MAN2A2: variants seen among roughly 807,000 people sequenced by gnomAD.
The protein encoded by MAN2A2 is alpha-mannosidase 2x.
MAN2A2 carries 79 observed loss-of-function variants against 126.8 expected under a neutral mutation model. That is an observed-to-expected ratio of 0.62 (90% CI 0.52 to 0.75). The LOEUF is 0.75. MAN2A2 is among the 30% of genes least tolerant of loss of function. MAN2A2 has a pLI of 0.00. For synonymous variants in MAN2A2, 671 were observed against 618.7 expected (o/e 1.08, Z -1.25); for missense variants, 1,392 against 1,522.4 (o/e 0.91, Z 1.43).
At position 90,905,438 on chromosome 15, in the gene MAN2A2, GCTT is replaced by G. The variant is rs1369303468; in HGVS notation, c.326_328del (p.Phe109del). On this transcript the variant is annotated inframe_deletion, in exon 3 of 23. Coordinates refer to ENST00000559717, the MANE Select transcript of MAN2A2 (RefSeq NM_006122.4). The stretch of plus-strand genomic sequence containing the variant: ...GTGGTGCCACCGGAGCCCCGGCCCA[GCTT>G]CTTCTCCATCTCCCCGCAGGACTGC... 7 of 1,613,758 alleles carry G rather than the reference GCTT, an allele frequency of 4.3e-6. No homozygotes were observed. Among genetic ancestry groups the G allele is most frequent in the Middle Eastern group, 1.6e-4 (1 of 6,078 alleles).
chr15:90,921,087 G>T lies in MAN2A2; in HGVS notation c.*1300G>T, dbSNP rs550128353. ...CTAGCCAAGGGCAAGCTATTATTCA[G>T]CAGTGTCCCGGCACTACTAACCCCT... On this transcript the variant is annotated 3_prime_UTR_variant, in exon 23 of 23. Coordinates refer to ENST00000559717, the MANE Select transcript of MAN2A2 (RefSeq NM_006122.4). 1.3e-5 allele frequency: 2 copies of T among 152,156 alleles called. No individual in the cohort carries two copies. The highest frequency in any genetic ancestry group is 2.9e-5 in the Non-Finnish European group (2 of 68,038). The allele number at this position is 152,156 out of a possible 1,614,324, so 9.4% of individuals were successfully genotyped here.
At chr15:90,908,653 G>C (rs756300088) in intron 8 of MAN2A2, among the ~76,000 whole-genome samples, 3 of 150,532 alleles carry the variant, frequency 2.0e-5, no homozygotes, top group Non-Finnish European at 4.4e-5. Context: ...TCGGCTCACC[G>C]CAACCTCCGC....
rs750491581 is a variant in MAN2A2, at chr15:90,913,669, T to C, written c.2774T>C (p.Met925Thr). The C allele has an allele frequency of 6.2e-7, 1 of 1,611,964 alleles. No homozygotes were observed. The highest frequency in any genetic ancestry group is 8.5e-7 in the Non-Finnish European group (1 of 1,179,164). Reference sequence around the variant, plus strand: ...CCCCTCCAGGCCAACTTCTACCCCATGCCAGTCATGGCCTATATCCAGGAC... The same window carrying C: ...CCCCTCCAGGCCAACTTCTACCCCACGCCAGTCATGGCCTATATCCAGGAC... ...KLPLQANFYP[M>T]PVMAYIQDAQ... Residue 925 changes from methionine (M) to threonine (T), a missense_variant, in exon 19 of 23, where the codon ATG (methionine) becomes ACG (threonine). Coordinates refer to ENST00000559717, the MANE Select transcript of MAN2A2 (RefSeq NM_006122.4).
chr15:90,913,905 C>G lies in MAN2A2; in HGVS notation c.2860+150C>G, dbSNP rs117519504. 1.6e-5 allele frequency: 18 copies of G among 1,091,728 alleles called. No individual in the cohort carries two copies. The East Asian group carries it at 4.8e-4, about 29-fold the overall frequency. The allele number at this position is 1,091,728 out of a possible 1,614,324, so 67.6% of individuals were successfully genotyped here. On this transcript the variant is annotated intron_variant, in intron 19 of 22. Transcript: ENST00000559717. The stretch of plus-strand genomic sequence containing the variant: ...GAGAGGGGGCAAGCCATTCAGAGCT[C>G]TTGGCACAGGAGGCAGGCATCTGCT...
Position 90,904,374 on chromosome 15 carries a change from C to T in MAN2A2, c.132+35C>T, listed in dbSNP as rs762324234. Reference sequence around the variant, plus strand: ...GCCTGGTTGCTAATTTCTTTGTATACAAGTCACCTGGGCTCAGGGTATGCA... The same window carrying T: ...GCCTGGTTGCTAATTTCTTTGTATATAAGTCACCTGGGCTCAGGGTATGCA... On this transcript the variant is annotated intron_variant, in intron 2 of 22. Transcript: ENST00000559717. The T allele has an allele frequency of 1.9e-6, 3 of 1,603,500 alleles. No individual in the cohort carries two copies. The African/African-American group carries it at 4.0e-5, about 21-fold the overall frequency.
chr15:90,910,608 C>T lies in MAN2A2; in HGVS notation c.1685C>T (p.Thr562Ile). Residue 562 changes from threonine to isoleucine, a missense_variant, in exon 11 of 23, where the codon ACA (threonine) becomes ATA (isoleucine). Transcript: ENST00000559717. ...DFTLLTEARR[T>I]LGLFQHHDAI... ...ACCCTCCTGACGGAAGCTCGGCGCA[C>T]ATTGGGGCTCTTCCAGCATCACGAT... 4 of 1,614,194 alleles carry T rather than the reference C, an allele frequency of 2.5e-6. No homozygotes were observed. The highest frequency in any genetic ancestry group is 3.4e-6 in the Non-Finnish European group (4 of 1,180,024).
intron 8 of MAN2A2, 62 bp downstream of exon 8, chr15:90,907,557 C>G: frequency 1.3e-6 from 2 of 1,516,542 alleles, no homozygotes; most frequent in African/African-American, 1.4e-5. Context: ...TGGTCTGGGC[C>G]GTGCCACGTG....
At position 90,909,415 on chromosome 15, in the gene MAN2A2, T is replaced by C. The variant is rs2034547304; in HGVS notation, c.1285T>C (p.Tyr429His). ...GGTGCCTCTTGGAGATGACTTCCGA[T>C]ATGACAAGCCCCAGGAGTGGGATGC... ...LLVPLGDDFR[Y>H]DKPQEWDAQF... The change falls in exon 9 of 23, where the codon TAT (tyrosine) becomes CAT (histidine). Residue 429 changes from tyrosine (Y) to histidine (H), a missense_variant. Tyr to His is a moderately conservative substitution (Grantham distance 83). Coordinates refer to ENST00000559717, the MANE Select transcript of MAN2A2 (RefSeq NM_006122.4). 6.2e-7 allele frequency: 1 copy of C among 1,614,008 alleles called. No individual in the cohort carries two copies. The highest frequency in any genetic ancestry group is 1.3e-5 in the African/African-American group (1 of 74,908).
chr15:90,912,137 G>GC lies in MAN2A2; in HGVS notation c.2205dup (p.Ile736HisfsTer22). 1 of 1,613,778 alleles carries GC rather than the reference G, an allele frequency of 6.2e-7. No homozygotes were observed. Among genetic ancestry groups the GC allele is most frequent in the Non-Finnish European group, 8.5e-7 (1 of 1,179,936 alleles). The stretch of plus-strand genomic sequence containing the variant: ...CACCGCACGCTGCCCTCCTCTGTGC[G>GC]CATCTACCTGCACGGCCGGCAGCTG... On this transcript the variant is annotated frameshift_variant, in exon 15 of 23. Transcript: ENST00000559717. LOFTEE classifies it high-confidence loss of function.
chr15:90,905,459 A>G lies in MAN2A2; in HGVS notation c.341A>G (p.Gln114Arg). Residue 114 changes from glutamine to arginine, a missense_variant, in exon 3 of 23, where the codon CAG becomes CGG. Transcript: ENST00000559717. ...PRPSFFSISP[Q>R]DCQFALGGRG... The stretch of plus-strand genomic sequence containing the variant: ...CCCAGCTTCTTCTCCATCTCCCCGC[A>G]GGACTGCCAGTTTGCTTTGGGGGGC... The G allele has an allele frequency of 1.9e-6, 3 of 1,613,928 alleles. No homozygotes were observed. Among genetic ancestry groups the G allele is most frequent in the Non-Finnish European group, 2.5e-6 (3 of 1,180,004 alleles).
At position 90,903,389 on chromosome 15, in the gene MAN2A2, C is replaced by A. The variant is rs900229576; in HGVS notation, c.-62C>A. On this transcript the variant is annotated 5_prime_UTR_variant, in exon 1 of 23. Coordinates refer to ENST00000559717, the MANE Select transcript of MAN2A2 (RefSeq NM_006122.4). ...AGCAGACTCCGGAGCGCGGTCCCGCCCACGCTCGGCTCCGCAGTTAGCGTC... is the reference window on the plus strand; with the variant it reads ...AGCAGACTCCGGAGCGCGGTCCCGCACACGCTCGGCTCCGCAGTTAGCGTC... The A allele has an allele frequency of 2.0e-5, 3 of 152,686 alleles. No individual in the cohort carries two copies. The highest frequency in any genetic ancestry group is 7.2e-5 in the African/African-American group (3 of 41,478). The allele number at this position is 152,686 out of a possible 1,614,324, so 9.5% of individuals were successfully genotyped here.
Position 90,910,898 on chromosome 15 carries a change from C to G in MAN2A2, c.1812C>G (p.His604Gln). 1 of 1,614,206 alleles carries G rather than the reference C, an allele frequency of 6.2e-7. No individual in the cohort carries two copies. The highest frequency in any genetic ancestry group is 8.5e-7 in the Non-Finnish European group (1 of 1,180,038). Reference protein sequence around the residue: ...NLKQVIIHAAHYLVLGDKETY... With the variant: ...NLKQVIIHAAQYLVLGDKETY... ...AGCAGGTCATCATTCATGCAGCCCA[C>G]TATCTGGTGCTGGGGGACAAGGAGA... Residue 604 changes from histidine (H) to glutamine (Q), a missense_variant, in exon 12 of 23, where the codon CAC becomes CAG. His to Gln is a conservative substitution (Grantham distance 24, BLOSUM62 0). Coordinates refer to ENST00000559717, the MANE Select transcript of MAN2A2 (RefSeq NM_006122.4).
At position 90,912,251 on chromosome 15, in the gene MAN2A2, G is replaced by A; in HGVS notation, c.2318G>A (p.Trp773Ter). 1 of 1,614,248 alleles carries A rather than the reference G, an allele frequency of 6.2e-7. No homozygotes were observed. The change falls in exon 15 of 23, where the codon TGG (tryptophan) becomes TAG (stop). Residue 773 changes from tryptophan to a stop codon, truncating the protein, a stop_gained. Coordinates refer to ENST00000559717, the MANE Select transcript of MAN2A2 (RefSeq NM_006122.4). LOFTEE classifies it high-confidence loss of function. ...CTCAGCAACCGCTACATGCAGGTCTGGTTCTCAGGCCTTACTGGGCTCCTC... is the reference window on the plus strand; with the variant it reads ...CTCAGCAACCGCTACATGCAGGTCTAGTTCTCAGGCCTTACTGGGCTCCTC... ...FALSNRYMQV[W>*]FSGLTGLLKS...
chr15:90,906,752 G>T lies in MAN2A2; in HGVS notation c.848G>T (p.Arg283Leu). 6.2e-7 allele frequency: 1 copy of T among 1,612,282 alleles called. No individual in the cohort carries two copies. Among genetic ancestry groups the T allele is most frequent in the Non-Finnish European group, 8.5e-7 (1 of 1,179,934 alleles). Reference sequence around the variant, plus strand: ...ATGCCCTGCCCAGGTGCAACCCCCCGCTCTGGCTGGGCAGTGGACCCCTTT... The same window carrying T: ...ATGCCCTGCCCAGGTGCAACCCCCCTCTCTGGCTGGGCAGTGGACCCCTTT... ...WLERNLGATP[R>L]SGWAVDPFGY... is the part of the protein sequence containing the mutation. The change falls in exon 7 of 23, where the codon CGC becomes CTC. Residue 283 changes from arginine (R) to leucine (L), a missense_variant. Coordinates refer to ENST00000559717, the MANE Select transcript of MAN2A2 (RefSeq NM_006122.4).
chr15:90,913,237 C>A, intron 17 of MAN2A2, 36 bp from the exon 18 acceptor site: 1 of 1,609,500 alleles, frequency 6.2e-7, no homozygotes, highest in East Asian at 2.2e-5. Context: ...TTCAGCCTCA[C>A]ACCTGTCCAT....
intron 9 of MAN2A2, 23 bp from the exon 10 acceptor site, chr15:90,910,067 G>A (rs767132244): frequency 2.5e-6 from 4 of 1,598,138 alleles, no homozygotes; most frequent in Non-Finnish European, 2.6e-6. Context: ...ACTGATGGGA[G>A]TGGGTTTTTG....
intron 8 of MAN2A2, among the ~76,000 whole-genome samples, chr15:90,908,115 G>A (rs1017636286): frequency 6.6e-6 from 1 of 152,202 alleles, no homozygotes; most frequent in African/African-American, 2.4e-5. Context: ...AAATAAAGTG[G>A]TCTTTTGTTT....
Position 90,919,904 on chromosome 15 carries a change from C to A in MAN2A2, c.*117C>A. The A allele has an allele frequency of 8.1e-7, 1 of 1,228,718 alleles. No individual in the cohort carries two copies. Among genetic ancestry groups the A allele is most frequent in the Non-Finnish European group, 1.1e-6 (1 of 875,090 alleles). The allele number at this position is 1,228,718 out of a possible 1,614,324, so 76.1% of individuals were successfully genotyped here. ...ATCTGCCTCCCAGAACTGTGACACACTGGGCTCTGCCCTCATTTTCTGTTT... is the reference window on the plus strand; with the variant it reads ...ATCTGCCTCCCAGAACTGTGACACAATGGGCTCTGCCCTCATTTTCTGTTT... On this transcript the variant is annotated 3_prime_UTR_variant, in exon 23 of 23. Coordinates refer to ENST00000559717, the MANE Select transcript of MAN2A2 (RefSeq NM_006122.4).
At chr15:90,906,296 G>A (rs2034277788) in intron 5 of MAN2A2, 74 bp from the exon 6 acceptor site, 5 of 1,590,490 alleles carry the variant, frequency 3.1e-6, no homozygotes, top group Non-Finnish European at 4.3e-6. Context: ...GTGCACACAG[G>A]CCCTGACATT....
Sources: gnomAD v4.1 joint callset for allele counts (sites outside exome capture counted in the v4.1 genomes callset) on GRCh38, gnomAD v4.1.1 for gene constraint, MANE v1.5 for transcripts, NCBI Gene and HGNC (gene_info 2026-07-23, HGNC 2026-07-21) for gene names.